Variants in GRM5 observed in about 807,000 individuals in gnomAD.
The protein encoded by GRM5 is metabotropic glutamate receptor 5.
In GRM5, 19 loss-of-function variants were observed where a neutral mutation model predicts 83.1. The observed-to-expected ratio is 0.23, with a 90% CI of 0.16 to 0.34. The LOEUF (loss-of-function observed/expected upper bound fraction) is 0.34. GRM5 is among the 10% of genes least tolerant of loss of function. GRM5 has a pLI of 1.00. For missense variants in GRM5, 1,160 were observed against 1,588.3 expected, an observed-to-expected ratio of 0.73 and a Z score of 4.58; for synonymous variants, 675 against 633.6, an observed-to-expected ratio of 1.07 and a Z score of -0.98.
intron 3 of GRM5, among the ~76,000 whole-genome samples, chr11:88,714,557 C>G (rs1382658502): frequency 6.6e-6 from 1 of 151,892 alleles, no homozygotes; most frequent in Non-Finnish European, 1.5e-5. Context: ...CTGGACAGTC[C>G]TCCAAATCCC....
At chr11:88,810,760 A>G (rs1487041963) in intron 3 of GRM5, among the ~76,000 whole-genome samples, 1 of 152,166 alleles carries the variant, frequency 6.6e-6, no homozygotes, top group Non-Finnish European at 1.5e-5. Context: ...TATGAAGATG[A>G]CCAATGCCAA....
At chr11:88,623,993 C>T (rs1938716061) in intron 4 of GRM5, among the ~76,000 whole-genome samples, 1 of 152,190 alleles carries the variant, frequency 6.6e-6, no homozygotes, top group Non-Finnish European at 1.5e-5. Context: ...TTTGGAAAAG[C>T]AACCTACAGT....
chr11:88,700,384 G>A (rs1272494112), intron 3 of GRM5, among the ~76,000 whole-genome samples: 1 of 152,096 alleles, frequency 6.6e-6, no homozygotes, highest in Non-Finnish European at 1.5e-5. Context: ...ACATGGATCT[G>A]AAAGCATGGG....
At chr11:88,868,641 A>C (rs970458354) in intron 2 of GRM5, among the ~76,000 whole-genome samples, 2 of 151,770 alleles carry the variant, frequency 1.3e-5, no homozygotes, top group Non-Finnish European at 2.9e-5. Context: ...TCTCAGTTAG[A>C]TACCTGGCAA....
chr11:88,630,986 G>C (rs766334415), intron 4 of GRM5, among the ~76,000 whole-genome samples: 1 of 152,068 alleles, frequency 6.6e-6, no homozygotes, highest in South Asian at 2.1e-4. Flanking sequence ...TGGGGACAGC[G>C]GTTTCTTTAT....
chr11:88,866,822 G>C (rs1476899690), intron 2 of GRM5, among the ~76,000 whole-genome samples: 1 of 152,090 alleles, frequency 6.6e-6, no homozygotes, highest in Non-Finnish European at 1.5e-5. Flanking sequence ...TTTTCGTCTA[G>C]AGTTTTTATG....
intron 7 of GRM5, among the ~76,000 whole-genome samples, chr11:88,578,769 G>C (rs1478858954): frequency 6.6e-6 from 1 of 151,954 alleles, no homozygotes; most frequent in African/African-American, 2.4e-5. Context: ...CAATGTGTAA[G>C]CCCTGGAATC....
intron 2 of GRM5, among the ~76,000 whole-genome samples, chr11:89,000,542 C>T (rs1940344641): frequency 6.6e-6 from 1 of 152,158 alleles, no homozygotes; most frequent in African/African-American, 2.4e-5. Context: ...ATCTAAACCT[C>T]ATAATTCAAG....
At chr11:88,569,933 GCAA>G (rs905828722) in intron 7 of GRM5, among the ~76,000 whole-genome samples, 11 of 152,148 alleles carry the variant, frequency 7.2e-5, no homozygotes, top group African/African-American at 2.4e-4. Context: ...GGTAGGGGAG[GCAA>G]CAACAAGTAA....
rs1245236510 is a variant in GRM5 at position 88,763,018 on chromosome 11, C to T, written c.911+86888G>A. 2.0e-5 allele frequency among the ~76,000 whole-genome samples: 3 copies of T among 151,686 alleles called. 1 individual carries two copies. The highest frequency in any genetic ancestry group is 2.0e-4 in the Admixed American group (3 of 15,176). On this transcript the variant is annotated intron_variant, in intron 3 of 9. Coordinates refer to ENST00000305447, the MANE Select transcript of GRM5 (RefSeq NM_001143831.3). ...GAGAATAACAGACGTGGGAGACTAC[C>T]AGGGGTTGGAGCGGGAAAGGAGGGA...
rs182932685 is a variant in GRM5, at chr11:88,860,848, T to C, written c.662-10693A>G. On this transcript the variant is annotated intron_variant, in intron 2 of 9. Coordinates refer to ENST00000305447, the MANE Select transcript of GRM5 (RefSeq NM_001143831.3). ...TTTAAGAGTGGGTAACTATGCTGTG[T>C]TCAGGCATTAGAGCCTTGGTGACTT... Among the ~76,000 whole-genome samples, 739 of 152,290 alleles carry C rather than the reference T, an allele frequency of 4.9e-3. 12 individuals carry two copies. Among genetic ancestry groups the C allele is most frequent in the African/African-American group, 0.017 (700 of 41,590 alleles).
intron 2 of GRM5, among the ~76,000 whole-genome samples, chr11:89,028,942 C>G (rs776538966): frequency 6.6e-6 from 1 of 152,054 alleles, no homozygotes; most frequent in Non-Finnish European, 1.5e-5. Flanking sequence ...TCCCCAGTCC[C>G]CCACCCCCCT....
intron 3 of GRM5, among the ~76,000 whole-genome samples, chr11:88,801,765 C>G (rs1590868008): frequency 6.6e-6 from 1 of 151,990 alleles, no homozygotes; most frequent in East Asian, 1.9e-4. Context: ...ACATTTGCTT[C>G]AAAGGCACAC....
chr11:89,040,432 G>A (rs368784200), intron 2 of GRM5, among the ~76,000 whole-genome samples: 4 of 152,248 alleles, frequency 2.6e-5, no homozygotes, highest in Admixed American at 6.5e-5. Flanking sequence ...AGACAATGTC[G>A]GTTGTCGTAG....
At chr11:88,668,212 G>GCACGCA (rs1554990685) in intron 3 of GRM5, among the ~76,000 whole-genome samples, 1 of 142,572 alleles carries the variant, frequency 7.0e-6, no homozygotes, top group Non-Finnish European at 1.5e-5. Context: ...GCAGAAACTC[G>GCACGCA]CACACACACA....
intron 2 of GRM5, among the ~76,000 whole-genome samples, chr11:88,882,347 C>T (rs538428325): frequency 6.2e-4 from 93 of 150,230 alleles, no homozygotes; most frequent in African/African-American, 2.2e-3. Context: ...GTCAGGAGAT[C>T]GAGACCATCC....
intron 9 of GRM5, among the ~76,000 whole-genome samples, chr11:88,521,854 C>T (rs559733102): frequency 4.6e-5 from 7 of 152,314 alleles, no homozygotes; most frequent in South Asian, 2.1e-4. Context: ...GAGCATCTGT[C>T]TAAGGCCCTG....
At chr11:88,613,894 G>T (rs1938396759) in intron 4 of GRM5, among the ~76,000 whole-genome samples, 1 of 152,004 alleles carries the variant, frequency 6.6e-6, no homozygotes. Flanking sequence ...AATACTTCAG[G>T]GGAGCAGAGT....
At chr11:88,720,612 C>A (rs1232588113) in intron 3 of GRM5, among the ~76,000 whole-genome samples, 1 of 152,020 alleles carries the variant, frequency 6.6e-6, no homozygotes, top group Admixed American at 6.6e-5. Context: ...AGCTACTGGC[C>A]ACTTTTTTTT....
Sources: allele counts gnomAD v4.1 joint callset (sites outside exome capture counted in the v4.1 genomes callset), GRCh38; gene constraint gnomAD v4.1.1; transcripts MANE v1.5; gene names NCBI Gene and HGNC (gene_info 2026-07-23, HGNC 2026-07-21).